The following SCAPER variants were observed in gnomAD, a reference collection of about 807,000 sequenced individuals.
SCAPER encodes S phase cyclin A-associated protein in the endoplasmic reticulum.
SCAPER carries 98 observed loss-of-function variants against 182.2 expected under a neutral mutation model. The ratio of observed to expected loss-of-function variants is 0.54; its 90% CI spans 0.46 to 0.64. The LOEUF (loss-of-function observed/expected upper bound fraction) is 0.64. SCAPER is among the 30% of genes least tolerant of loss of function. The pLI is 0.00. For missense variants in SCAPER, 1,432 were observed against 1,690.0 expected, an observed-to-expected ratio of 0.85 and a Z score of 2.68; for synonymous variants, 605 against 564.6, an observed-to-expected ratio of 1.07 and a Z score of -1.01.
chr15:76,806,629 C>T (rs2066180370), intron 5 of SCAPER, among the ~76,000 whole-genome samples: 1 of 152,176 alleles, frequency 6.6e-6, no homozygotes, highest in African/African-American at 2.4e-5. Flanking sequence ...CTGGGTATCA[C>T]TTTGGGAAAT....
intron 5 of SCAPER, among the ~76,000 whole-genome samples, chr15:76,818,012 C>T (rs1032129179): frequency 2.0e-5 from 3 of 152,074 alleles, no homozygotes; most frequent in Non-Finnish European, 4.4e-5. Context: ...TTTTGAAGAA[C>T]AAAGCTGGTG....
At chr15:76,814,672 A>G (rs2066925486) in intron 5 of SCAPER, among the ~76,000 whole-genome samples, 1 of 152,188 alleles carries the variant, frequency 6.6e-6, no homozygotes, top group Non-Finnish European at 1.5e-5. Flanking sequence ...GAAGAAAACA[A>G]AAGGAAAAGT....
At chr15:76,759,134 C>T (rs1198930724) in intron 14 of SCAPER, among the ~76,000 whole-genome samples, 3 of 152,128 alleles carry the variant, frequency 2.0e-5, no homozygotes, top group Non-Finnish European at 4.4e-5. Flanking sequence ...AGTGGGCATA[C>T]TTGCCTTTTA....
At chr15:76,485,817 T>A (rs2051579280) in intron 24 of SCAPER, among the ~76,000 whole-genome samples, 1 of 152,174 alleles carries the variant, frequency 6.6e-6, no homozygotes, top group African/African-American at 2.4e-5. Flanking sequence ...GGTGCTGGGA[T>A]AACTGGCTAG....
intron 5 of SCAPER, among the ~76,000 whole-genome samples, chr15:76,812,628 G>T (rs962218381): frequency 5.3e-5 from 8 of 151,814 alleles, no homozygotes; most frequent in Non-Finnish European, 8.8e-5. Flanking sequence ...TACAACAGAC[G>T]CCTTGAAAAT....
At chr15:76,654,147 G>A (rs576192993) in intron 21 of SCAPER, among the ~76,000 whole-genome samples, 110 of 152,170 alleles carry the variant, frequency 7.2e-4, no homozygotes, top group African/African-American at 2.6e-3. Flanking sequence ...AAACCACAAT[G>A]AGCCCAGCAC....
intron 23 of SCAPER, among the ~76,000 whole-genome samples, chr15:76,542,364 A>T (rs2044836507): frequency 6.6e-6 from 1 of 151,870 alleles, no homozygotes; most frequent in Non-Finnish European, 1.5e-5. Context: ...GTCTACTAAA[A>T]ATACAAAAAT....
chr15:76,569,110 A>G (rs910920778), intron 23 of SCAPER, among the ~76,000 whole-genome samples: 1 of 152,074 alleles, frequency 6.6e-6, no homozygotes, highest in Non-Finnish European at 1.5e-5. Flanking sequence ...TCTTGACAGT[A>G]AATATTTTTG....
At chr15:76,499,813 T>A (rs780412038) in intron 24 of SCAPER, among the ~76,000 whole-genome samples, 1 of 152,160 alleles carries the variant, frequency 6.6e-6, no homozygotes, top group South Asian at 2.1e-4. Flanking sequence ...TTGACAGACT[T>A]GGCTAAAATT....
chr15:76,711,866 A>T (rs1277520851), intron 17 of SCAPER, among the ~76,000 whole-genome samples: 1 of 151,648 alleles, frequency 6.6e-6, no homozygotes, highest in East Asian at 1.9e-4. Context: ...GGTTGCAAAA[A>T]TTTTCTCCCA....
At chr15:76,426,798 A>G (rs1312661696) in intron 26 of SCAPER, among the ~76,000 whole-genome samples, 1 of 152,204 alleles carries the variant, frequency 6.6e-6, no homozygotes, top group African/African-American at 2.4e-5. Context: ...TGGAGGCATC[A>G]TATTAATTGA....
In SCAPER at chr15:76,822,151, T is replaced by G. The variant is rs186611237; in HGVS notation, c.394-17518A>C. Among the ~76,000 whole-genome samples the G allele has an allele frequency of 3.8e-3, 582 of 152,244 alleles. 2 individuals carry two copies. Among genetic ancestry groups the G allele is most frequent in the African/African-American group, 0.012 (517 of 41,538 alleles). On this transcript the variant is annotated intron_variant, in intron 5 of 31. Transcript: ENST00000563290. ...ACCAAGAGCAAACATAAATGTAAAC[T>G]ATGGACTTGGGAATGATAATGATTT...
chr15:76,562,412 G>C (rs1031085805), intron 23 of SCAPER, among the ~76,000 whole-genome samples: 1 of 152,118 alleles, frequency 6.6e-6, no homozygotes, highest in Admixed American at 6.5e-5. Context: ...CCTAGGACTA[G>C]TGTCCAGAAC....
At chr15:76,722,700 CTAG>C (rs1232667117) in intron 17 of SCAPER, among the ~76,000 whole-genome samples, 1 of 152,112 alleles carries the variant, frequency 6.6e-6, no homozygotes, top group Non-Finnish European at 1.5e-5. Context: ...TCTAGATTTT[CTAG>C]TTTATTTGCA....
intron 24 of SCAPER, among the ~76,000 whole-genome samples, chr15:76,488,236 A>G (rs930320901): frequency 1.3e-5 from 2 of 152,188 alleles, no homozygotes; most frequent in Non-Finnish European, 2.9e-5. Context: ...TATCTTTTAT[A>G]TAACAGTTCT....
intron 26 of SCAPER, among the ~76,000 whole-genome samples, chr15:76,413,033 T>C (rs1339768261): frequency 6.6e-6 from 1 of 152,224 alleles, no homozygotes; most frequent in Non-Finnish European, 1.5e-5. Context: ...TTTGTTGCTA[T>C]ACATAGCGAT....
At chr15:76,582,276 A>G (rs1413431190) in intron 22 of SCAPER, among the ~76,000 whole-genome samples, 2 of 152,242 alleles carry the variant, frequency 1.3e-5, no homozygotes, top group African/African-American at 2.4e-5. Context: ...ATATAAAATC[A>G]ACATATGAAA....
chr15:76,652,272 AAATATAT>A (rs1167187268), intron 21 of SCAPER, among the ~76,000 whole-genome samples: 15 of 15,758 alleles, frequency 9.5e-4, no homozygotes, highest in Non-Finnish European at 1.6e-3. Flanking sequence ...AAAAAAAAAA[AAATATAT>A]ATATATATAT....
At chr15:76,813,234 A>AAAAAAAAAAAC (rs2066785403) in intron 5 of SCAPER, among the ~76,000 whole-genome samples, 1 of 83,976 alleles carries the variant, frequency 1.2e-5, no homozygotes, top group Admixed American at 1.6e-4. Context: ...CACTAAAAAA[A>AAAAAAAAAAAC]AAAAAAAAAA....
Sources: allele counts gnomAD v4.1 joint callset (sites outside exome capture counted in the v4.1 genomes callset), GRCh38; gene constraint gnomAD v4.1.1; transcripts MANE v1.5; gene names NCBI Gene and HGNC (gene_info 2026-07-23, HGNC 2026-07-21).